The following TEX11 variants were observed in gnomAD, a reference collection of about 807,000 sequenced individuals.
TEX11 encodes testis-expressed protein 11.
TEX11 carries 7 observed loss-of-function variants against 84.4 expected under a neutral mutation model. The observed-to-expected ratio is 0.08, with a 90% confidence interval of 0.05 to 0.16. The LOEUF is 0.16. Among genes scored for constraint, TEX11 ranks in the 10% least tolerant of loss-of-function variants. The pLI is 1.00. For synonymous variants in TEX11, 264 were observed against 222.8 expected, an observed-to-expected ratio of 1.18 and a Z score of -1.64; for missense variants, 551 against 660.5, an observed-to-expected ratio of 0.83 and a Z score of 1.82.
intron 16 of TEX11, among the ~76,000 whole-genome samples, chrX:70,655,766 A>G (rs1191326302): frequency 9.0e-6 from 1 of 111,433 alleles, no homozygotes; most frequent in Non-Finnish European, 1.9e-5. Context: ...CTCCAGAACT[A>G]TAAGTGTATA....
intron 16 of TEX11, among the ~76,000 whole-genome samples, chrX:70,658,274 G>A (rs746715400): frequency 1.8e-5 from 2 of 110,513 alleles, no homozygotes; most frequent in African/African-American, 3.3e-5. Context: ...AAAATTAGCC[G>A]GGCACGATGG....
At chrX:70,681,497 T>C (rs1569399761) in intron 14 of TEX11, among the ~76,000 whole-genome samples, 1 of 112,274 alleles carries the variant, frequency 8.9e-6, no homozygotes, top group Non-Finnish European at 1.9e-5. Context: ...TAAACAAACT[T>C]CCTAGTTTTC....
At chrX:70,732,064 C>T (rs1238718250) in intron 11 of TEX11, among the ~76,000 whole-genome samples, 1 of 111,818 alleles carries the variant, frequency 8.9e-6, no homozygotes, top group African/African-American at 3.3e-5. Context: ...ACATGATTAT[C>T]TCAATAGATG....
rs989211781 is a variant in TEX11 at position 70,874,644 on chromosome X, C to T, written c.160-1337G>A. Reference sequence around the variant, plus strand: ...CTCGAACTCCTGACCTCAGGTGATCCGCCCGCCTCAACCTCCCAAAGTGCT... The same window carrying T: ...CTCGAACTCCTGACCTCAGGTGATCTGCCCGCCTCAACCTCCCAAAGTGCT... On this transcript the variant is annotated intron_variant, in intron 3 of 29. Transcript: ENST00000374333. 1.8e-4 allele frequency among the ~76,000 whole-genome samples: 19 copies of T among 106,871 alleles called. 1 individual carries two copies. Among genetic ancestry groups the T allele is most frequent in the Non-Finnish European group, 3.1e-4 (16 of 51,650 alleles). The allele number at this position is 106,871 out of a possible 115,157, so 92.8% of individuals were successfully genotyped here. A position where few individuals can be genotyped will look rare whatever the true frequency, so the allele number is the denominator to read the frequency against.
chrX:70,522,441 G>T, the TEX11 span, among the ~76,000 whole-genome samples: 2 of 112,223 alleles, frequency 1.8e-5, no homozygotes, highest in African/African-American at 6.5e-5. Flanking sequence ...GGGTTGAAAG[G>T]CTCTTAAAAA....
intron 7 of TEX11, among the ~76,000 whole-genome samples, chrX:70,852,568 T>C (rs1209511739): frequency 8.9e-6 from 1 of 112,327 alleles, no homozygotes; most frequent in Non-Finnish European, 1.9e-5. Flanking sequence ...AAGTGTATGA[T>C]GGCAAAAGGA....
At chrX:70,907,725 T>C (rs773684537) in intron 2 of TEX11, 28 bp downstream of exon 2, 2 of 1,113,116 alleles carry the variant, frequency 1.8e-6, no homozygotes, top group African/African-American at 3.6e-5. Flanking sequence ...TTTGACACTA[T>C]TTTGTACTAC....
At chrX:70,543,152 A>G (rs1172821741) in intron 28 of TEX11, among the ~76,000 whole-genome samples, 1 of 111,729 alleles carries the variant, frequency 9.0e-6, no homozygotes, top group East Asian at 2.8e-4. Context: ...ACTGCACTCC[A>G]GCCTGGGCGA....
At chrX:70,657,819 G>A (rs1443706249) in intron 16 of TEX11, among the ~76,000 whole-genome samples, 2 of 101,307 alleles carry the variant, frequency 2.0e-5, no homozygotes, top group East Asian at 3.3e-4. Flanking sequence ...GTAAACTATC[G>A]CAAGGACAAA....
intron 9 of TEX11, among the ~76,000 whole-genome samples, chrX:70,763,578 GA>G (rs1283526069): frequency 1.2e-4 from 12 of 102,341 alleles, no homozygotes; most frequent in Admixed American, 5.3e-4. Context: ...CTACCTGTTC[GA>G]AAAAAAAAAC....
intron 8 of TEX11, among the ~76,000 whole-genome samples, chrX:70,826,008 T>A (rs2091343535): frequency 1.0e-5 from 1 of 100,249 alleles, no homozygotes; most frequent in Non-Finnish European, 2.0e-5. Flanking sequence ...AATAATCACC[T>A]TATAAGAGAT....
chrX:70,535,033 G>A (rs1361688168), intron 28 of TEX11, among the ~76,000 whole-genome samples: 1 of 111,422 alleles, frequency 9.0e-6, no homozygotes, highest in Middle Eastern at 4.6e-3. Context: ...TTATAGATTG[G>A]CCTTTTCTGG....
At chrX:70,810,036 G>T (rs185717645) in intron 8 of TEX11, among the ~76,000 whole-genome samples, 1 of 112,129 alleles carries the variant, frequency 8.9e-6, no homozygotes, top group East Asian at 2.8e-4. Context: ...ACAAACACAT[G>T]AAAAAATGCT....
chrX:70,541,245 A>C (rs1797926833), intron 28 of TEX11, among the ~76,000 whole-genome samples: 1 of 111,721 alleles, frequency 9.0e-6, no homozygotes, highest in Non-Finnish European at 1.9e-5. Flanking sequence ...AAAGCTATAT[A>C]CTGTTTGATC....
chrX:70,705,508 C>T (rs2090365211), intron 13 of TEX11, among the ~76,000 whole-genome samples: 1 of 111,629 alleles, frequency 9.0e-6, no homozygotes, highest in African/African-American at 3.3e-5. Context: ...AAACTACCAT[C>T]AGAGTGAACA....
chrX:70,539,038 A>ATATATTTTTTT, intron 28 of TEX11, among the ~76,000 whole-genome samples: 475 of 41,230 alleles, frequency 0.012, 18 homozygotes, highest in African/African-American at 0.039. Context: ...ATATATATAT[A>ATATATTTTTTT]TTTTTTTTTT....
intron 8 of TEX11, among the ~76,000 whole-genome samples, chrX:70,807,658 A>G (rs1023004001): frequency 8.9e-6 from 1 of 111,812 alleles, no homozygotes; most frequent in African/African-American, 3.3e-5. Context: ...TCCTCAACTA[A>G]GAATCCAAGA....
At chrX:70,573,554 T>C (rs2088633818) in intron 25 of TEX11, among the ~76,000 whole-genome samples, 1 of 111,343 alleles carries the variant, frequency 9.0e-6, no homozygotes, top group African/African-American at 3.3e-5. Context: ...AAAACTTTCA[T>C]CTCTGAGAAT....
At chrX:70,654,250 CA>C (rs1356314650) in intron 16 of TEX11, among the ~76,000 whole-genome samples, 1 of 111,476 alleles carries the variant, frequency 9.0e-6, no homozygotes, top group Non-Finnish European at 1.9e-5. Flanking sequence ...ATGTTAATGA[CA>C]GGGGAAACAG....
Sources: gnomAD v4.1 joint callset for allele counts (sites outside exome capture counted in the v4.1 genomes callset) on GRCh38, gnomAD v4.1.1 for gene constraint, MANE v1.5 for transcripts, NCBI Gene and HGNC (gene_info 2026-07-23, HGNC 2026-07-21) for gene names.